Variants in FRMD4B observed in about 807,000 individuals in gnomAD.
FRMD4B encodes FERM domain containing 4B.
A neutral mutation model predicts 141.5 loss-of-function variants in FRMD4B; 74 were observed. That is an observed-to-expected ratio of 0.52 (90% CI 0.43 to 0.63). The LOEUF (loss-of-function observed/expected upper bound fraction) is 0.63, where lower values mean the gene tolerates loss of function less well. Ranked by LOEUF, FRMD4B falls within the 30% of genes least tolerant of loss-of-function variation. The probability of loss-of-function intolerance (pLI) is 0.00; values close to 1 mark genes in which losing one functional copy is unlikely to be tolerated. For missense variants in FRMD4B, 1,366 were observed against 1,253.4 expected, an observed-to-expected ratio of 1.09 and a Z score of -1.36; for synonymous variants, 506 against 467.9, an observed-to-expected ratio of 1.08 and a Z score of -1.05.
intron 1 of FRMD4B, among the ~76,000 whole-genome samples, chr3:69,462,248 A>C (rs1559534625): frequency 6.6e-6 from 1 of 152,176 alleles, no homozygotes; most frequent in Non-Finnish European, 1.5e-5. Context: ...AGACTGTGTG[A>C]GCATGCCTCA....
At chr3:69,210,207 C>T (rs2093062122) in intron 11 of FRMD4B, among the ~76,000 whole-genome samples, 1 of 152,216 alleles carries the variant, frequency 6.6e-6, no homozygotes, top group South Asian at 2.1e-4. Flanking sequence ...TTTTGTCCCA[C>T]TATGGACACC....
At chr3:69,356,922 G>A (rs571167743) in intron 1 of FRMD4B, among the ~76,000 whole-genome samples, 225 of 152,154 alleles carry the variant, frequency 1.5e-3, no homozygotes, top group African/African-American at 4.5e-3. Flanking sequence ...TATAATTTCC[G>A]TTTCTGCTCA....
chr3:69,179,777 A>G (rs2092685582), intron 21 of FRMD4B, among the ~76,000 whole-genome samples: 1 of 152,156 alleles, frequency 6.6e-6, no homozygotes, highest in Non-Finnish European at 1.5e-5. Context: ...AGCGTTTTAA[A>G]ATTGCTTAAT....
chr3:69,216,263 CT>C lies in FRMD4B; in HGVS notation c.875del (p.Lys292SerfsTer57). 1.3e-6 allele frequency: 2 copies of C among 1,491,296 alleles called. No individual in the cohort carries two copies. Among genetic ancestry groups the C allele is most frequent in the South Asian group, 1.2e-5 (1 of 84,130 alleles). The allele number at this position is 1,491,296 out of a possible 1,614,324, so 92.4% of individuals were successfully genotyped here. A position where few individuals can be genotyped will look rare whatever the true frequency, so the allele number is the denominator to read the frequency against. ...YDIQDKVKPR[K>X]LFQWKQLENL... ...TTCTCCTAAAGTGATCCACACTTAC[CT>C]TCCGAGGCTTCACCTTGTCTTGTAT... is the stretch of plus-strand genomic sequence containing the variant. On this transcript the variant is annotated frameshift_variant and splice_region_variant, in exon 11 of 23. Transcript: ENST00000398540. LOFTEE classifies it high-confidence loss of function.
chr3:69,461,417 A>G (rs1469722169), intron 1 of FRMD4B, among the ~76,000 whole-genome samples: 1 of 151,714 alleles, frequency 6.6e-6, no homozygotes, highest in East Asian at 1.9e-4. Context: ...AAATCAATAA[A>G]TAAAAATAAC....
At chr3:69,430,059 G>A (rs542572917) in intron 2 of FRMD4B, among the ~76,000 whole-genome samples, 68 of 152,086 alleles carry the variant, frequency 4.5e-4, no homozygotes, top group African/African-American at 1.6e-3. Context: ...CCATGCCCGG[G>A]CCTGGATGAC....
intron 5 of FRMD4B, among the ~76,000 whole-genome samples, chr3:69,264,571 C>G: frequency 6.6e-6 from 1 of 152,144 alleles, no homozygotes; most frequent in Non-Finnish European, 1.5e-5. Flanking sequence ...GAACTGTAAG[C>G]ATACCTAGAC....
intron 1 of FRMD4B, among the ~76,000 whole-genome samples, chr3:69,479,103 T>C (rs1157174821): frequency 2.1e-5 from 3 of 144,634 alleles, no homozygotes; most frequent in Non-Finnish European, 4.5e-5. Flanking sequence ...TGTGTGTCTC[T>C]GCACATGAGA....
intron 22 of FRMD4B, among the ~76,000 whole-genome samples, chr3:69,176,103 A>G (rs568251622): frequency 6.6e-6 from 1 of 152,236 alleles, no homozygotes; most frequent in East Asian, 1.9e-4. Context: ...TAAAGGCCAG[A>G]TATTTTTGGC....
rs528807807 is a variant in FRMD4B at position 69,439,039 on chromosome 3, T to A, written c.-128-6278A>T. On this transcript the variant is annotated intron_variant, in intron 1 of 5. Transcript: ENST00000459638. ...CATTATTCTGAATTTGGTAGATATT[T>A]AGTTCGTGTGCGTGTGTGTGTATGT... 1.5e-5 allele frequency among the ~76,000 whole-genome samples: 2 copies of A among 134,270 alleles called. 1 individual carries two copies. The highest frequency in any genetic ancestry group is 4.5e-4 in the East Asian group (2 of 4,416). The allele number at this position is 134,270 out of a possible 152,430, so 88.1% of individuals were successfully genotyped here. A position where few individuals can be genotyped will look rare whatever the true frequency, so the allele number is the denominator to read the frequency against.
At chr3:69,245,209 A>G (rs527797836) in intron 7 of FRMD4B, among the ~76,000 whole-genome samples, 6 of 152,344 alleles carry the variant, frequency 3.9e-5, no homozygotes, top group African/African-American at 1.2e-4. Context: ...AAGATTACAC[A>G]GGTAATAAGT....
At chr3:69,322,590 CTCTCT>C (rs141562759) in intron 1 of FRMD4B, among the ~76,000 whole-genome samples, 28,347 of 134,058 alleles carry the variant, frequency 0.21, 2,906 homozygotes, top group Non-Finnish European at 0.28. Context: ...ATTTTTCTCT[CTCTCT>C]TTTTTTTTTT....
intron 11 of FRMD4B, among the ~76,000 whole-genome samples, chr3:69,213,794 C>G (rs542820999): frequency 1.3e-5 from 2 of 151,806 alleles, no homozygotes; most frequent in Admixed American, 1.3e-4. Flanking sequence ...TCCTGTATAA[C>G]TGGGACTACA....
At chr3:69,276,384 C>T (rs1294688026) in intron 5 of FRMD4B, among the ~76,000 whole-genome samples, 1 of 152,040 alleles carries the variant, frequency 6.6e-6, no homozygotes, top group Non-Finnish European at 1.5e-5. Context: ...GTGATCCGCC[C>T]ACCTCAGCCT....
chr3:69,177,114 G>C (rs576484322), intron 21 of FRMD4B, among the ~76,000 whole-genome samples: 11 of 152,194 alleles, frequency 7.2e-5, no homozygotes, highest in African/African-American at 2.6e-4. Context: ...GAGGCGGGAG[G>C]ACCACTTGAA....
At chr3:69,356,624 C>CATATATATAATATATATACAT (rs1703331351) in intron 1 of FRMD4B, among the ~76,000 whole-genome samples, 1 of 147,414 alleles carries the variant, frequency 6.8e-6, no homozygotes, top group Non-Finnish European at 1.5e-5. Flanking sequence ...CGTATATATA[C>CATATATATAATATATATACAT]ATATATATAA....
At chr3:69,450,933 A>C (rs1241888198) in intron 1 of FRMD4B, among the ~76,000 whole-genome samples, 1 of 152,244 alleles carries the variant, frequency 6.6e-6, no homozygotes, top group Non-Finnish European at 1.5e-5. Flanking sequence ...AGTTATCTGA[A>C]GAGCCACACA....
At chr3:69,241,183 A>G (rs2093380115) in intron 7 of FRMD4B, among the ~76,000 whole-genome samples, 2 of 152,202 alleles carry the variant, frequency 1.3e-5, no homozygotes, top group South Asian at 4.1e-4. Context: ...ATTTAGTTGC[A>G]TCAGGTTTTT....
At chr3:69,362,665 A>T (rs1234321422) in intron 1 of FRMD4B, among the ~76,000 whole-genome samples, 3 of 151,582 alleles carry the variant, frequency 2.0e-5, no homozygotes, top group African/African-American at 7.3e-5. Context: ...TGACAGAGTG[A>T]GACTCCATCT....
Sources: gnomAD v4.1 joint callset for allele counts (sites outside exome capture counted in the v4.1 genomes callset) on GRCh38, gnomAD v4.1.1 for gene constraint, MANE v1.5 for transcripts, NCBI Gene and HGNC (gene_info 2026-07-23, HGNC 2026-07-21) for gene names.